CCDC88C: variants seen among roughly 807,000 people sequenced by gnomAD.
The protein encoded by CCDC88C is coiled-coil and HOOK domain protein 88C.
CCDC88C carries 131 observed loss-of-function variants against 198.8 expected under a neutral mutation model. The observed-to-expected ratio is 0.66, with a 90% confidence interval of 0.57 to 0.76. The LOEUF (loss-of-function observed/expected upper bound fraction) is 0.76. Among genes scored for constraint, CCDC88C ranks in the 30% least tolerant of loss-of-function variants. The probability of loss-of-function intolerance (pLI) is 0.00; values close to 1 mark genes in which losing one functional copy is unlikely to be tolerated. For synonymous variants in CCDC88C, 1,166 were observed against 1,114.7 expected (o/e 1.05, Z -0.92); for missense variants, 2,553 against 2,631.6 (o/e 0.97, Z 0.65).
chr14:91,417,189 C>A (rs1167534154), intron 1 of CCDC88C: 1 of 679,376 alleles, frequency 1.5e-6, no homozygotes, highest in Admixed American at 2.3e-5. Flanking sequence ...CCATTCGGCG[C>A]CCCCCATTCC....
At chr14:91,326,113 A>G in intron 10 of CCDC88C, 57 bp from the exon 11 acceptor site, 1 of 1,525,538 alleles carries the variant, frequency 6.6e-7, no homozygotes, top group Non-Finnish European at 8.9e-7. Context: ...GGTCATTAGG[A>G]TGGAATTCTA....
intron 4 of CCDC88C, among the ~76,000 whole-genome samples, chr14:91,351,596 G>A (rs1256839476): frequency 2.0e-5 from 3 of 152,146 alleles, no homozygotes; most frequent in Admixed American, 6.5e-5. Flanking sequence ...TCTGGGGAGC[G>A]GCCCCTGTGG....
At chr14:91,398,457 T>A (rs1885977422) in intron 3 of CCDC88C, among the ~76,000 whole-genome samples, 1 of 151,254 alleles carries the variant, frequency 6.6e-6, no homozygotes, top group Admixed American at 6.6e-5. Context: ...GGAGTTTGAG[T>A]AGCCTGGCCA....
intron 26 of CCDC88C, among the ~76,000 whole-genome samples, 173 bp downstream of exon 26, chr14:91,283,156 G>C (rs1268748425): frequency 6.6e-6 from 1 of 152,180 alleles, no homozygotes; most frequent in Non-Finnish European, 1.5e-5. Context: ...AAAGTCCTTG[G>C]CTGGTAAGCA....
chr14:91,286,289 G>A (rs922583185), intron 25 of CCDC88C, among the ~76,000 whole-genome samples: 11 of 152,094 alleles, frequency 7.2e-5, no homozygotes, highest in Non-Finnish European at 1.6e-4. Flanking sequence ...TCAATGATCC[G>A]TTTCAGGGCG....
In CCDC88C at chr14:91,409,192, T is replaced by G. The variant is rs867610808; in HGVS notation, c.162-425A>C. Among the ~76,000 whole-genome samples the G allele has an allele frequency of 4.7e-4, 71 of 152,196 alleles. 2 individuals are homozygous for G. The South Asian group carries it at 0.011, about 24-fold the overall frequency. The stretch of plus-strand genomic sequence containing the variant: ...ACAGAAGGAGAAAAATGGTAGTTTT[T>G]TTTTTTTTTTAAATAGAGACAGGTC... On this transcript the variant is annotated intron_variant, in intron 2 of 29. Transcript: ENST00000389857.
chr14:91,416,642 C>CCA, intron 2 of CCDC88C, 96 bp downstream of exon 2: 3 of 892,904 alleles, frequency 3.4e-6, no homozygotes, highest in Non-Finnish European at 3.6e-6. Context: ...ACCCCCCACC[C>CCA]CACACACACC....
chr14:91,287,080 GAAAGTTTTCC>G (rs1385107698), intron 25 of CCDC88C, among the ~76,000 whole-genome samples: 6 of 152,094 alleles, frequency 3.9e-5, no homozygotes, highest in African/African-American at 1.4e-4. Context: ...TTTTTTCTCT[GAAAGTTTTCC>G]TAACTCAGAC....
At chr14:91,308,222 CTG>C in intron 17 of CCDC88C, 127 bp downstream of exon 17, 4 of 1,075,232 alleles carry the variant, frequency 3.7e-6, no homozygotes, top group Non-Finnish European at 5.3e-6. Flanking sequence ...CTCAGTCACT[CTG>C]TGGCGCATCT....
rs142476848 is a variant in CCDC88C at position 91,392,644 on chromosome 14, A to G, written c.270+16015T>C. Among the ~76,000 whole-genome samples the G allele has an allele frequency of 3.7e-3, 570 of 152,354 alleles. 4 individuals carry two copies. The highest frequency in any genetic ancestry group is 0.013 in the African/African-American group (537 of 41,584). On this transcript the variant is annotated intron_variant, in intron 3 of 29. Transcript: ENST00000389857. ...GAAGGAACATTTTAAAGCCCAGCCC[A>G]GCCCGAGGACCTGGCCCTTTGGAGT...
At chr14:91,348,847 C>T (rs998176537) in intron 4 of CCDC88C, among the ~76,000 whole-genome samples, 7 of 152,210 alleles carry the variant, frequency 4.6e-5, no homozygotes, top group Non-Finnish European at 8.8e-5. Flanking sequence ...TGCTTGCTCT[C>T]ACCAGGCTGA....
In CCDC88C at chr14:91,272,676, C is replaced by G; in HGVS notation, c.6036G>C (p.Pro2012=). The G allele has an allele frequency of 2.5e-6, 4 of 1,611,672 alleles. No homozygotes were observed. Among genetic ancestry groups the G allele is most frequent in the Non-Finnish European group, 3.4e-6 (4 of 1,179,876 alleles). The change falls in exon 30 of 30, where the codon CCG becomes CCC. Residue 2012 remains proline (P), a synonymous_variant. Coordinates refer to ENST00000389857, the MANE Select transcript of CCDC88C (RefSeq NM_001080414.4). ...CGGTCTGCGGATCCCCGCCGGGCTC[C>G]GGGGAGGCCGGACTGCTCTTTGAGA... ...GSVSKSSPAS[P]EPGGDPQTVW...
At chr14:91,289,056 C>T in intron 25 of CCDC88C, 49 bp downstream of exon 25, 1 of 1,511,654 alleles carries the variant, frequency 6.6e-7, no homozygotes, top group Non-Finnish European at 9.0e-7. Context: ...CGGGACCCTT[C>T]AGGACACCCC....
At chr14:91,318,738 C>T (rs1279620112) in intron 13 of CCDC88C, among the ~76,000 whole-genome samples, 7 of 151,620 alleles carry the variant, frequency 4.6e-5, no homozygotes, top group African/African-American at 1.5e-4. Context: ...GCCAACATGG[C>T]GAAACCTCAT....
intron 4 of CCDC88C, among the ~76,000 whole-genome samples, chr14:91,358,074 C>T (rs1353734952): frequency 2.0e-5 from 3 of 152,172 alleles, no homozygotes; most frequent in African/African-American, 4.8e-5. Context: ...CATGCAAAGG[C>T]GGACACCTCA....
rs369069440 is a variant in CCDC88C at position 91,273,128 on chromosome 14, G to A, written c.5584C>T (p.Pro1862Ser). 1.4e-4 allele frequency: 223 copies of A among 1,575,484 alleles called. No homozygotes were observed. The highest frequency in any genetic ancestry group is 1.8e-4 in the Non-Finnish European group (204 of 1,161,044). The change falls in exon 30 of 30, where the codon CCA (proline) becomes TCA (serine). Residue 1862 changes from proline (P) to serine (S), a missense_variant. Around this residue, in one of 2 missense-constraint regions of CCDC88C, gnomAD observed 1,293 missense variants for 1,219.6 expected, o/e 1.06. Coordinates refer to ENST00000389857, the MANE Select transcript of CCDC88C (RefSeq NM_001080414.4). The surrounding 1 kb of genome is among the most constrained non-coding windows in gnomAD (Gnocchi z 5.6). ...SSHSLARERT[P>S]LVGKAGSSCQ... ...GAGCTGCCAGCCTTTCCCACAAGTGGGGTCCGCTCCCGGGCCAGGCTATGG... is the reference window on the plus strand; with the variant it reads ...GAGCTGCCAGCCTTTCCCACAAGTGAGGTCCGCTCCCGGGCCAGGCTATGG...
intron 12 of CCDC88C, among the ~76,000 whole-genome samples, chr14:91,323,984 T>G (rs921737492): frequency 6.6e-6 from 1 of 151,842 alleles, no homozygotes; most frequent in Non-Finnish European, 1.5e-5. Flanking sequence ...TGCTTAGATG[T>G]CTATCAGAAT....
At chr14:91,394,650 A>C (rs919022573) in intron 3 of CCDC88C, among the ~76,000 whole-genome samples, 1 of 152,242 alleles carries the variant, frequency 6.6e-6, no homozygotes, top group Non-Finnish European at 1.5e-5. Flanking sequence ...CTGGTGTGAC[A>C]GACAAACAGA....
At chr14:91,375,194 C>G (rs1438131467) in intron 3 of CCDC88C, among the ~76,000 whole-genome samples, 1 of 152,190 alleles carries the variant, frequency 6.6e-6, no homozygotes, top group Non-Finnish European at 1.5e-5. Flanking sequence ...CAGCAGGGCT[C>G]AGCCATCATT....
Sources: allele counts gnomAD v4.1 joint callset (sites outside exome capture counted in the v4.1 genomes callset), GRCh38; gene constraint gnomAD v4.1.1; regional missense constraint gnomAD v4.1.1; non-coding constraint Gnocchi (gnomAD v3.1); transcripts MANE v1.5; gene names NCBI Gene and HGNC (gene_info 2026-07-23, HGNC 2026-07-21).